Variants in USH2A observed in about 807,000 individuals in gnomAD.
The protein encoded by USH2A is Usher syndrome 2A (autosomal recessive, mild).
USH2A carries 443 observed loss-of-function variants against 538.9 expected under a neutral mutation model. That is an observed-to-expected ratio of 0.82 (90% CI 0.76 to 0.89). The LOEUF (loss-of-function observed/expected upper bound fraction) is 0.89. Among genes scored for constraint, USH2A ranks in the 40% least tolerant of loss-of-function variants. The pLI, the probability that USH2A is intolerant of heterozygous loss-of-function variation, is 0.00. For missense variants in USH2A, 6,633 were observed against 6,324.8 expected (o/e 1.05, Z -1.65); for synonymous variants, 2,413 against 2,273.5 (o/e 1.06, Z -1.75).
chr1:215,971,135 A>G (rs1667486147), intron 35 of USH2A, among the ~76,000 whole-genome samples: 1 of 152,204 alleles, frequency 6.6e-6, no homozygotes, highest in African/African-American at 2.4e-5. Context: ...CTTAATAGAT[A>G]TGCCCCAGAA....
intron 21 of USH2A, among the ~76,000 whole-genome samples, chr1:216,108,890 A>G (rs2032800179): frequency 6.6e-6 from 1 of 152,012 alleles, no homozygotes. Flanking sequence ...AAATGTTTAC[A>G]ATATTTGCTT....
chr1:216,228,689 G>A (rs981061546), intron 14 of USH2A, among the ~76,000 whole-genome samples: 11 of 152,160 alleles, frequency 7.2e-5, no homozygotes, highest in Middle Eastern at 3.4e-3. Flanking sequence ...TCTTTCTTTT[G>A]TAAATTGCCC....
At chr1:216,381,977 T>G (rs1428713280) in intron 3 of USH2A, among the ~76,000 whole-genome samples, 3 of 152,210 alleles carry the variant, frequency 2.0e-5, no homozygotes, top group East Asian at 3.9e-4. Flanking sequence ...CCTGGGCAAT[T>G]CAATTCCTTG....
chr1:216,239,253 A>G (rs2035888531), intron 13 of USH2A, among the ~76,000 whole-genome samples: 1 of 152,210 alleles, frequency 6.6e-6, no homozygotes, highest in Non-Finnish European at 1.5e-5. Flanking sequence ...TAAAAAATAT[A>G]TGATACTTAG....
intron 44 of USH2A, 88 bp from the exon 45 acceptor site, chr1:215,846,121 A>G: frequency 1.5e-6 from 2 of 1,315,888 alleles, no homozygotes; most frequent in East Asian, 2.5e-5. Context: ...CTAGAATGAG[A>G]AAAAAAGAAG....
intron 38 of USH2A, among the ~76,000 whole-genome samples, chr1:215,908,963 A>G (rs899868303): frequency 1.3e-5 from 2 of 149,898 alleles, no homozygotes; most frequent in African/African-American, 4.9e-5. Flanking sequence ...TATTTTATAT[A>G]ATGCCTATAT....
chr1:215,968,078 G>C (rs1667399551), intron 36 of USH2A, among the ~76,000 whole-genome samples: 1 of 152,056 alleles, frequency 6.6e-6, no homozygotes. Context: ...AAATGTGAAG[G>C]GTTTCCCTCT....
At chr1:216,161,481 G>A (rs1032811001) in intron 21 of USH2A, among the ~76,000 whole-genome samples, 58 of 151,820 alleles carry the variant, frequency 3.8e-4, no homozygotes, top group Non-Finnish European at 1.9e-4. Flanking sequence ...TATAGACCCC[G>A]TCATCATTTG....
At chr1:215,721,153 C>A (rs370587847) in intron 61 of USH2A, among the ~76,000 whole-genome samples, 2 of 152,274 alleles carry the variant, frequency 1.3e-5, no homozygotes, top group East Asian at 3.9e-4. Context: ...CGGCTCTCTG[C>A]AGCCTCCACC....
intron 8 of USH2A, among the ~76,000 whole-genome samples, chr1:216,322,771 A>G (rs962026259): frequency 6.6e-6 from 1 of 152,092 alleles, no homozygotes; most frequent in Non-Finnish European, 1.5e-5. Context: ...AACAATGCTT[A>G]TATACTGGTA....
chr1:215,693,521 G>T (rs998223523), intron 61 of USH2A, among the ~76,000 whole-genome samples: 17 of 152,164 alleles, frequency 1.1e-4, no homozygotes, highest in Non-Finnish European at 2.1e-4. Flanking sequence ...AAATGTACTT[G>T]TGAAGTGTAT....
At chr1:215,892,639 A>G (rs150883600) in intron 40 of USH2A, among the ~76,000 whole-genome samples, 18 of 152,298 alleles carry the variant, frequency 1.2e-4, no homozygotes, top group African/African-American at 4.3e-4. Flanking sequence ...TCCAAATGTA[A>G]GAGGAGCAAT....
At chr1:216,228,731 A>C (rs1435286880) in intron 14 of USH2A, among the ~76,000 whole-genome samples, 1 of 152,130 alleles carries the variant, frequency 6.6e-6, no homozygotes, top group African/African-American at 2.4e-5. Context: ...AGCAGCATGA[A>C]AACGGACTAA....
chr1:216,418,357 G>A (rs1181428385), intron 3 of USH2A, among the ~76,000 whole-genome samples, 157 bp downstream of exon 3: 3 of 152,024 alleles, frequency 2.0e-5, no homozygotes, highest in Non-Finnish European at 4.4e-5. Context: ...ACATCATTAG[G>A]TCATTTAAAT....
intron 55 of USH2A, 69 bp from the exon 56 acceptor site, chr1:215,766,857 G>T (rs56102983): frequency 5.8e-6 from 8 of 1,384,652 alleles, no homozygotes; most frequent in Non-Finnish European, 7.2e-6. Flanking sequence ...AGTACCAGAA[G>T]TAACATGCAG....
intron 9 of USH2A, among the ~76,000 whole-genome samples, chr1:216,299,337 A>C (rs534852943): frequency 1.7e-4 from 26 of 152,218 alleles, no homozygotes; most frequent in African/African-American, 6.0e-4. Flanking sequence ...GCTTGAATTG[A>C]AAATCAAGTT....
At chr1:216,421,660 AT>A (rs1184725955) in intron 2 of USH2A, among the ~76,000 whole-genome samples, 191 bp downstream of exon 2, 4 of 152,104 alleles carry the variant, frequency 2.6e-5, no homozygotes, top group South Asian at 2.1e-4. Flanking sequence ...CTATTTTCAC[AT>A]TTTTTTTCAT....
chr1:216,400,851 G>A lies in USH2A; in HGVS notation c.651+17663C>T, dbSNP rs147812818. ...TTATATCCAGCAAAAATATCCTTTC[G>A]GAATGAAGGAAAAATCAAGACACTC... On this transcript the variant is annotated intron_variant, in intron 3 of 71. Coordinates refer to ENST00000307340, the MANE Select transcript of USH2A (RefSeq NM_206933.4). Among the ~76,000 whole-genome samples, 519 of 152,032 alleles carry A rather than the reference G, an allele frequency of 3.4e-3. 11 individuals carry two copies. Among genetic ancestry groups the A allele is most frequent in the East Asian group, 0.02 (104 of 5,170 alleles).
intron 35 of USH2A, among the ~76,000 whole-genome samples, chr1:215,987,706 G>C (rs759872937): frequency 3.9e-5 from 6 of 152,164 alleles, no homozygotes; most frequent in Non-Finnish European, 7.4e-5. Flanking sequence ...AAAAACCACA[G>C]AAATGTCCAT....
Sources: gnomAD v4.1 joint callset for allele counts (sites outside exome capture counted in the v4.1 genomes callset) on GRCh38, gnomAD v4.1.1 for gene constraint, MANE v1.5 for transcripts, NCBI Gene and HGNC (gene_info 2026-07-23, HGNC 2026-07-21) for gene names.